Variants in PLCL1 observed in about 807,000 individuals in gnomAD.
PLCL1 encodes the protein inactive phospholipase C-like protein 1.
PLCL1 carries 41 observed loss-of-function variants against 84.4 expected under a neutral mutation model. That is an observed-to-expected ratio of 0.49 (90% confidence interval 0.38 to 0.63). The LOEUF is 0.63. Ranked by LOEUF, PLCL1 falls within the 30% of genes least tolerant of loss-of-function variation. PLCL1 has a pLI of 0.00. For synonymous variants in PLCL1, 490 were observed against 488.3 expected, an observed-to-expected ratio of 1.00 and a Z score of -0.05; for missense variants, 1,206 against 1,367.8, an observed-to-expected ratio of 0.88 and a Z score of 1.87.
At chr2:197,989,341 T>G (rs1202116410) in intron 1 of PLCL1, among the ~76,000 whole-genome samples, 1 of 152,158 alleles carries the variant, frequency 6.6e-6, no homozygotes, top group African/African-American at 2.4e-5. Context: ...CATGTTAAGT[T>G]AATGTTTTGG....
At chr2:198,112,157 T>G (rs547125349) in intron 5 of PLCL1, among the ~76,000 whole-genome samples, 1 of 152,074 alleles carries the variant, frequency 6.6e-6, no homozygotes, top group Non-Finnish European at 1.5e-5. Context: ...ACATTTCTCT[T>G]TGTAAGTAAA....
intron 5 of PLCL1, among the ~76,000 whole-genome samples, chr2:198,104,473 C>CTAT (rs1489724090): frequency 6.6e-6 from 1 of 151,934 alleles, no homozygotes; most frequent in African/African-American, 2.4e-5. Context: ...CCATGCTTTG[C>CTAT]TATTGTGAAT....
At chr2:197,896,433 C>T (rs1688133593) in intron 1 of PLCL1, among the ~76,000 whole-genome samples, 1 of 151,942 alleles carries the variant, frequency 6.6e-6, no homozygotes, top group Middle Eastern at 3.2e-3. Context: ...CATGGTTTCC[C>T]TTGTTTCACC....
At chr2:197,825,557 T>A (rs1394793359) in intron 1 of PLCL1, among the ~76,000 whole-genome samples, 1 of 152,226 alleles carries the variant, frequency 6.6e-6, no homozygotes, top group Non-Finnish European at 1.5e-5. Flanking sequence ...GTACTTGATT[T>A]ATCTCCCATC....
intron 3 of PLCL1, among the ~76,000 whole-genome samples, chr2:198,091,946 A>C (rs1693053942): frequency 7.0e-6 from 1 of 143,224 alleles, no homozygotes. Flanking sequence ...TCCGCCTCTC[A>C]CAACCTCACC....
chr2:197,923,281 C>A (rs1252224210), intron 1 of PLCL1, among the ~76,000 whole-genome samples: 3 of 144,874 alleles, frequency 2.1e-5, no homozygotes, highest in Non-Finnish European at 4.6e-5. Context: ...CCCTCCCGGA[C>A]GGGGTGGCTG....
chr2:197,992,101 A>C (rs180774216), intron 1 of PLCL1, among the ~76,000 whole-genome samples: 1 of 151,774 alleles, frequency 6.6e-6, no homozygotes, highest in East Asian at 1.9e-4. Context: ...TTTAGGGTAC[A>C]TGTGCACAAT....
intron 1 of PLCL1, among the ~76,000 whole-genome samples, chr2:197,858,808 GTTC>G (rs1323989710): frequency 6.6e-6 from 1 of 152,102 alleles, no homozygotes; most frequent in Non-Finnish European, 1.5e-5. Flanking sequence ...CTGCTTGGTG[GTTC>G]TTCTGCTGAT....
chr2:198,056,639 G>C (rs1379229418), intron 1 of PLCL1, among the ~76,000 whole-genome samples: 4 of 152,210 alleles, frequency 2.6e-5, no homozygotes, highest in Non-Finnish European at 5.9e-5. Context: ...TTACATAACA[G>C]AGAGCCTAGC....
At chr2:198,092,845 A>G (rs1052078674) in intron 3 of PLCL1, among the ~76,000 whole-genome samples, 1 of 152,182 alleles carries the variant, frequency 6.6e-6, no homozygotes, top group Non-Finnish European at 1.5e-5. Flanking sequence ...CTGTATATTT[A>G]TTACTGTCAC....
rs879591476 is a variant in PLCL1, at chr2:198,085,618, C to A, written c.2101C>A (p.Arg701=). ...TTATGTTCTAAGGCCGTCTATAATG[C>A]GAGATGAAGTTTCTTACTTCAGCGC... ...CGYVLRPSIM[R]DEVSYFSANT... is the part of the protein sequence containing the mutation. The change falls in exon 2 of 6, where the codon CGA becomes AGA. Residue 701 remains arginine, a synonymous_variant. Coordinates refer to ENST00000428675, the MANE Select transcript of PLCL1 (RefSeq NM_006226.4). The surrounding 1 kb of genome is among the most constrained non-coding windows in gnomAD (Gnocchi z 5.3). 13 of 1,613,856 alleles carry A rather than the reference C, an allele frequency of 8.1e-6. No homozygotes were observed. Among genetic ancestry groups the A allele is most frequent in the Non-Finnish European group, 1.1e-5 (13 of 1,179,928 alleles).
chr2:197,919,333 T>A (rs1443979918), intron 1 of PLCL1, among the ~76,000 whole-genome samples: 1 of 152,188 alleles, frequency 6.6e-6, no homozygotes, highest in East Asian at 1.9e-4. Flanking sequence ...CCCAGAAGGA[T>A]GTTTTCTAGA....
intron 1 of PLCL1, among the ~76,000 whole-genome samples, chr2:197,934,156 A>G (rs1689003142): frequency 6.6e-6 from 1 of 152,208 alleles, no homozygotes; most frequent in Non-Finnish European, 1.5e-5. Context: ...TTCTTATCTC[A>G]GTAAAAACAG....
chr2:197,922,984 G>A (rs1574950397), intron 1 of PLCL1, among the ~76,000 whole-genome samples: 1 of 114,088 alleles, frequency 8.8e-6, no homozygotes, highest in Admixed American at 8.1e-5. Flanking sequence ...CGGACCGGGC[G>A]GCTGGCCGGG....
chr2:197,944,925 C>T (rs1689241850), intron 1 of PLCL1, among the ~76,000 whole-genome samples: 1 of 152,022 alleles, frequency 6.6e-6, no homozygotes, highest in African/African-American at 2.4e-5. Context: ...TTTTTGTTTC[C>T]TATCATCTTT....
chr2:197,897,099 CT>C (rs1559038418), intron 1 of PLCL1, among the ~76,000 whole-genome samples: 1 of 37,648 alleles, frequency 2.7e-5, no homozygotes, highest in African/African-American at 1.5e-4. Context: ...AGTATGACTC[CT>C]TCTTCTTCTT....
intron 1 of PLCL1, among the ~76,000 whole-genome samples, chr2:198,008,424 C>T (rs1690783823): frequency 6.6e-6 from 1 of 152,024 alleles, no homozygotes; most frequent in Non-Finnish European, 1.5e-5. Flanking sequence ...TGAATTTGAC[C>T]ACTTTAGATA....
intron 1 of PLCL1, among the ~76,000 whole-genome samples, chr2:197,918,936 GTC>G (rs71395692): frequency 0.039 from 3,257 of 82,802 alleles, 48 homozygotes; most frequent in African/African-American, 0.055. Flanking sequence ...CGGAGACCCT[GTC>G]TCTCTCTCTC....
At chr2:198,001,207 A>T (rs1327295154) in intron 1 of PLCL1, among the ~76,000 whole-genome samples, 1 of 152,176 alleles carries the variant, frequency 6.6e-6, no homozygotes, top group Non-Finnish European at 1.5e-5. Context: ...ACCACATGGC[A>T]TTGTGATTAC....
Sources: gnomAD v4.1 joint callset for allele counts (sites outside exome capture counted in the v4.1 genomes callset) on GRCh38, gnomAD v4.1.1 for gene constraint, Gnocchi (gnomAD v3.1) non-coding constraint, MANE v1.5 for transcripts, NCBI Gene and HGNC (gene_info 2026-07-23, HGNC 2026-07-21) for gene names.